CCNB1: variants seen among roughly 807,000 people sequenced by gnomAD.
CCNB1 encodes the protein G2/mitotic-specific cyclin-B1.
Under a neutral mutation model 44.4 loss-of-function variants are expected in CCNB1, and 26 were observed. The observed-to-expected ratio is 0.59, with a 90% CI of 0.43 to 0.81. The LOEUF is 0.81. Ranked by LOEUF, CCNB1 falls within the 40% of genes least tolerant of loss-of-function variation. The pLI is 0.00. For synonymous variants in CCNB1, 195 were observed against 181.4 expected, an observed-to-expected ratio of 1.08 and a Z score of -0.60; for missense variants, 477 against 520.9, an observed-to-expected ratio of 0.92 and a Z score of 0.82.
chr5:69,168,117 C>G (rs370662203), intron 2 of CCNB1, 39 bp downstream of exon 2: 8 of 1,611,114 alleles, frequency 5.0e-6, no homozygotes, highest in Admixed American at 3.3e-5. Context: ...AAGAGCCCGC[C>G]TTCCAACTGT....
In CCNB1 at chr5:69,177,735, C is replaced by T; in HGVS notation, c.*104C>T. The T allele has an allele frequency of 1.4e-6, 1 of 700,192 alleles. No individual in the cohort carries two copies. The highest frequency in any genetic ancestry group is 1.9e-5 in the South Asian group (1 of 51,818). 43.4% of individuals were successfully genotyped at this position (700,192 alleles called of 1,614,324 possible). ...TTACTTTTAATAAAGCTTGTGGCCC[C>T]TTTTACTTTTTTATAGCTTAACTAA... On this transcript the variant is annotated 3_prime_UTR_variant, in exon 9 of 9. Coordinates refer to ENST00000256442, the MANE Select transcript of CCNB1 (RefSeq NM_031966.4).
intron 3 of CCNB1, 48 bp from the exon 4 acceptor site, chr5:69,171,222 A>G: frequency 2.1e-6 from 3 of 1,461,014 alleles, no homozygotes; most frequent in East Asian, 2.3e-5. Context: ...TGCCCAAACT[A>G]TAGTGCTTAC....
In CCNB1 at chr5:69,176,542, A is replaced by ATT. The variant is rs1297947852; in HGVS notation, c.1084-689_1084-688dup. ...CGGCTAATTTTATATATATATATAT[A>ATT]TTTTTTTTTAGTAGAGATGGGGTTT... is the stretch of plus-strand genomic sequence containing the variant. On this transcript the variant is annotated intron_variant, in intron 7 of 8. Transcript: ENST00000256442. Among the ~76,000 whole-genome samples, 487 of 146,228 alleles carry ATT rather than the reference A, an allele frequency of 3.3e-3. 2 individuals carry two copies. The highest frequency in any genetic ancestry group is 0.01 in the African/African-American group (413 of 40,122).
intron 4 of CCNB1, among the ~76,000 whole-genome samples, chr5:69,172,195 G>C (rs142325227): frequency 6.8e-6 from 1 of 147,564 alleles, no homozygotes; most frequent in Non-Finnish European, 1.5e-5. Flanking sequence ...CTCCTGCCTC[G>C]GCCTCCCAAG....
In CCNB1 at chr5:69,168,075, G is replaced by C. The variant is rs1043201171; in HGVS notation, c.189G>C (p.Lys63Asn). The change falls in exon 2 of 9, where the codon AAG becomes AAC. Residue 63 changes from lysine (K) to asparagine (N), a missense_variant. Lys to Asn is a moderately conservative substitution (Grantham distance 94). Transcript: ENST00000256442. ...AACTGCAGGCCAAAATGCCTATGAAGAAGGTAACTCTCTTCCTGACCTAAC... is the reference window on the plus strand; with the variant it reads ...AACTGCAGGCCAAAATGCCTATGAACAAGGTAACTCTCTTCCTGACCTAAC... ...SEQLQAKMPM[K>N]KEAKPSATGK... The C allele has an allele frequency of 6.2e-7, 1 of 1,613,338 alleles. No homozygotes were observed. The highest frequency in any genetic ancestry group is 1.3e-5 in the African/African-American group (1 of 74,874).
chr5:69,169,796 C>T (rs1747419109), intron 3 of CCNB1, among the ~76,000 whole-genome samples: 1 of 152,018 alleles, frequency 6.6e-6, no homozygotes, highest in Admixed American at 6.6e-5. Flanking sequence ...GGGCTACAGG[C>T]ACATGCCACC....
At chr5:69,174,824 T>G (rs1747546025) in intron 5 of CCNB1, 53 bp from the exon 6 acceptor site, 14 of 1,384,238 alleles carry the variant, frequency 1.0e-5, no homozygotes, top group Non-Finnish European at 1.3e-5. Flanking sequence ...TCATCATAGC[T>G]CTGTGTCTCC....
At chr5:69,172,759 T>G (rs1019483254) in intron 4 of CCNB1, among the ~76,000 whole-genome samples, 12 of 150,734 alleles carry the variant, frequency 8.0e-5, no homozygotes, top group Non-Finnish European at 1.8e-4. Context: ...ATTTAGTAAA[T>G]GTGCTGTTTC....
At position 69,171,427 on chromosome 5, in the gene CCNB1, T is replaced by C. The variant is rs962263214; in HGVS notation, c.521T>C (p.Ile174Thr). 2 of 1,606,856 alleles carry C rather than the reference T, an allele frequency of 1.2e-6. No individual in the cohort carries two copies. The highest frequency in any genetic ancestry group is 1.7e-6 in the Non-Finnish European group (2 of 1,178,020). Residue 174 changes from isoleucine (I) to threonine (T), a missense_variant, in exon 4 of 9, where the codon ATT becomes ACT. Transcript: ENST00000256442. ...PNLCSEYVKD[I>T]YAYLRQLEEE... is the part of the protein sequence containing the mutation. ...CTTTGTAGTGAATATGTGAAAGATA[T>C]TTATGCTTATCTGAGACAACTTGAG...
rs1747554750 is a variant in CCNB1 at position 69,175,123 on chromosome 5, TCTTGAGAAAC to T, written c.942+13_942+22del. Reference sequence around the variant, plus strand: ...ATCTAAGATTGGAGAGGTACAGGTTTCTTGAGAAACCTCTCCGTATGGGTACATTAGGGGG... The same window carrying T: ...ATCTAAGATTGGAGAGGTACAGGTTTCTCTCCGTATGGGTACATTAGGGGG... On this transcript the variant is annotated intron_variant, in intron 6 of 8. Transcript: ENST00000256442. 1 of 1,594,106 alleles carries T rather than the reference TCTTGAGAAAC, an allele frequency of 6.3e-7. No individual in the cohort carries two copies. The highest frequency in any genetic ancestry group is 1.7e-5 in the Admixed American group (1 of 59,904).
chr5:69,176,544 T>TATA (rs1488778074), intron 7 of CCNB1, among the ~76,000 whole-genome samples: 1 of 147,714 alleles, frequency 6.8e-6, no homozygotes, highest in Non-Finnish European at 1.5e-5. Flanking sequence ...ATATATATAT[T>TATA]TTTTTTTAGT....
intron 1 of CCNB1, 31 bp downstream of exon 1, chr5:69,167,314 G>A: frequency 6.2e-7 from 1 of 1,602,070 alleles, no homozygotes. Flanking sequence ...AACTAACGCG[G>A]CCTTCTTAGC....
At chr5:69,175,927 T>TCGCCCAC (rs1747575464) in intron 7 of CCNB1, among the ~76,000 whole-genome samples, 1 of 146,190 alleles carries the variant, frequency 6.8e-6, no homozygotes, top group Admixed American at 7.0e-5. Flanking sequence ...TACAAAAGAG[T>TCGCCCAC]CGCCCACCAG....
intron 7 of CCNB1, among the ~76,000 whole-genome samples, chr5:69,175,943 GCAA>G (rs1747575795): frequency 6.8e-6 from 1 of 146,224 alleles, no homozygotes; most frequent in Admixed American, 7.0e-5. Context: ...ACCAGCCTGG[GCAA>G]CATAGCAAAT....
intron 4 of CCNB1, 49 bp from the exon 5 acceptor site, chr5:69,174,201 GT>G: frequency 6.4e-7 from 1 of 1,558,240 alleles, no homozygotes; most frequent in Non-Finnish European, 8.8e-7. Flanking sequence ...GGACATAAAT[GT>G]GTCACATGGA....
intron 3 of CCNB1, among the ~76,000 whole-genome samples, chr5:69,169,806 C>T (rs894820146): frequency 3.3e-5 from 5 of 152,086 alleles, no homozygotes; most frequent in African/African-American, 1.2e-4. Context: ...CACATGCCAC[C>T]ATGCTTGGCT....
At chr5:69,174,723 GAAAT>G (rs1561314844) in intron 5 of CCNB1, among the ~76,000 whole-genome samples, 150 bp from the exon 6 acceptor site, 2 of 151,498 alleles carry the variant, frequency 1.3e-5, no homozygotes, top group Admixed American at 6.6e-5. Flanking sequence ...AAAAAAGAAA[GAAAT>G]AAACTGACTT....
intron 1 of CCNB1, chr5:69,167,607 C>T: frequency 2.0e-6 from 1 of 503,112 alleles, no homozygotes; most frequent in Non-Finnish European, 3.5e-6. Flanking sequence ...TCTGTAACCC[C>T]CTTCCCAGAG....
intron 3 of CCNB1, among the ~76,000 whole-genome samples, chr5:69,169,936 CA>C (rs1370570169): frequency 6.6e-6 from 1 of 151,654 alleles, no homozygotes; most frequent in African/African-American, 2.4e-5. Context: ...AGGTGTGAGC[CA>C]CCATGCCCAG....
Sources: allele counts gnomAD v4.1 joint callset (sites outside exome capture counted in the v4.1 genomes callset), GRCh38; gene constraint gnomAD v4.1.1; transcripts MANE v1.5; gene names NCBI Gene and HGNC (gene_info 2026-07-23, HGNC 2026-07-21).